The following ITGAV variants were observed in gnomAD, a reference collection of about 807,000 sequenced individuals.
ITGAV encodes integrin subunit alpha V, also known as integrin alpha-V.
Under a neutral mutation model 143.8 loss-of-function variants are expected in ITGAV, and 76 were observed. The ratio of observed to expected loss-of-function variants is 0.53; its 90% CI spans 0.44 to 0.64. The LOEUF is 0.64. Among genes scored for constraint, ITGAV ranks in the 30% least tolerant of loss-of-function variants. The pLI is 0.00. For synonymous variants in ITGAV, 453 were observed against 446.7 expected, an observed-to-expected ratio of 1.01 and a Z score of -0.18; for missense variants, 1,193 against 1,274.7, an observed-to-expected ratio of 0.94 and a Z score of 0.98.
At chr2:186,625,101 G>A (rs997091365) in intron 3 of ITGAV, among the ~76,000 whole-genome samples, 13 of 152,290 alleles carry the variant, frequency 8.5e-5, no homozygotes, top group African/African-American at 3.1e-4. Context: ...TTGGCCAGGT[G>A]TGGTAGGTAT....
At chr2:186,615,797 A>G (rs944936401) in intron 2 of ITGAV, among the ~76,000 whole-genome samples, 1 of 152,140 alleles carries the variant, frequency 6.6e-6, no homozygotes, top group African/African-American at 2.4e-5. Context: ...TTGTAGCACA[A>G]AAGTTTTTAA....
Position 186,641,477 on chromosome 2 carries a change from C to T in ITGAV, c.1048C>T (p.Gln350Ter), listed in dbSNP as rs140715466. The T allele has an allele frequency of 6.2e-7, 1 of 1,614,038 alleles. No homozygotes were observed. Among genetic ancestry groups the T allele is most frequent in the Non-Finnish European group, 8.5e-7 (1 of 1,180,014 alleles). The part of the protein sequence containing the change: ...QEVGQVSVSL[Q>*]RASGDFQTTK... Reference sequence around the variant, plus strand: ...GGTGGGGCAGGTCTCAGTGTCTCTACAGAGAGCTTCAGGAGACTTCCAGAC... The same window carrying T: ...GGTGGGGCAGGTCTCAGTGTCTCTATAGAGAGCTTCAGGAGACTTCCAGAC... Residue 350 changes from glutamine to a stop codon, truncating the protein, a stop_gained, in exon 12 of 30, where the codon CAG (glutamine) becomes TAG (stop). Coordinates refer to ENST00000261023, the MANE Select transcript of ITGAV (RefSeq NM_002210.5). LOFTEE classifies it high-confidence loss of function.
In ITGAV at chr2:186,677,263, G is replaced by A. The variant is rs774606529; in HGVS notation, c.3118G>A (p.Glu1040Lys). The A allele has an allele frequency of 6.2e-7, 1 of 1,613,606 alleles. No individual in the cohort carries two copies. Among genetic ancestry groups the A allele is most frequent in the South Asian group, 1.1e-5 (1 of 91,038 alleles). ...AGAAAGGGAGCAGCTTCAACCTCAT[G>A]AAAATGGTGAAGGAAACTCAGAAAC... Reference protein sequence around the residue: ...EQEREQLQPHENGEGNSET With the variant: ...EQEREQLQPHKNGEGNSET The change falls in exon 30 of 30, where the codon GAA (glutamate) becomes AAA (lysine). Residue 1040 changes from glutamate to lysine, a missense_variant. Physicochemically the swap from Glu to Lys is moderately conservative, Grantham distance 56. Coordinates refer to ENST00000261023, the MANE Select transcript of ITGAV (RefSeq NM_002210.5).
rs199554402 is a variant in ITGAV at position 186,680,036 on chromosome 2, T to C, written c.*2744T>C. The C allele has an allele frequency of 1.8e-3, 267 of 152,218 alleles. 1 individual carries two copies. Among genetic ancestry groups the C allele is most frequent in the African/African-American group, 6.0e-3 (249 of 41,578 alleles). 9.4% of individuals were successfully genotyped at this position (152,218 alleles called of 1,614,324 possible). On this transcript the variant is annotated 3_prime_UTR_variant, in exon 30 of 30. Coordinates refer to ENST00000261023, the MANE Select transcript of ITGAV (RefSeq NM_002210.5). ...AGATTTGTGTGATAAAAGTATTGTA[T>C]ATAATAGATCAGCGATTTTTGTAAG...
chr2:186,618,078 G>T (rs1344220458), intron 2 of ITGAV, among the ~76,000 whole-genome samples: 1 of 152,214 alleles, frequency 6.6e-6, no homozygotes, highest in East Asian at 1.9e-4. Flanking sequence ...TTGTCAGTTT[G>T]TCTGGAGAGC....
chr2:186,666,679 T>C, intron 21 of ITGAV, 25 bp from the exon 22 acceptor site: 1 of 1,391,718 alleles, frequency 7.2e-7, no homozygotes, highest in Non-Finnish European at 9.6e-7. Flanking sequence ...TGACTAGCAT[T>C]ACTATCTTTT....
intron 2 of ITGAV, among the ~76,000 whole-genome samples, chr2:186,613,582 T>C (rs960426891): frequency 6.6e-6 from 1 of 152,220 alleles, no homozygotes; most frequent in African/African-American, 2.4e-5. Flanking sequence ...TTTGTATATA[T>C]AAATGATTTA....
chr2:186,613,148 CTTT>C (rs76180545), intron 2 of ITGAV, among the ~76,000 whole-genome samples: 62 of 120,284 alleles, frequency 5.2e-4, no homozygotes, highest in African/African-American at 1.3e-3. Context: ...ATGGGATTGG[CTTT>C]TTTTTTTTTT....
At chr2:186,610,112 G>A (rs1201042978) in intron 2 of ITGAV, among the ~76,000 whole-genome samples, 1 of 151,406 alleles carries the variant, frequency 6.6e-6, no homozygotes, top group African/African-American at 2.4e-5. Flanking sequence ...TCACTTTTTT[G>A]GTAAAATGAT....
At position 186,596,799 on chromosome 2, in the gene ITGAV, G is replaced by A. The variant is rs189902593; in HGVS notation, c.186-5222G>A. Among the ~76,000 whole-genome samples the A allele has an allele frequency of 1.8e-3, 275 of 152,028 alleles. 1 individual carries two copies. The highest frequency in any genetic ancestry group is 2.0e-3 in the Admixed American group (31 of 15,266). On this transcript the variant is annotated intron_variant, in intron 1 of 29. Coordinates refer to ENST00000261023, the MANE Select transcript of ITGAV (RefSeq NM_002210.5). ...TTCTTTTTCACTACACAGCTTCCTC[G>A]TAAGACTTTAACATATGTCTAAGGT...
At chr2:186,600,015 G>A (rs1686853714) in intron 1 of ITGAV, among the ~76,000 whole-genome samples, 1 of 152,038 alleles carries the variant, frequency 6.6e-6, no homozygotes, top group African/African-American at 2.4e-5. Flanking sequence ...TCCCCATAGG[G>A]CATAACATTT....
chr2:186,638,635 T>C (rs1428783678), intron 10 of ITGAV, among the ~76,000 whole-genome samples, 170 bp downstream of exon 10: 6 of 90,046 alleles, frequency 6.7e-5, no homozygotes, highest in Non-Finnish European at 1.0e-4. Context: ...TTTGAGCGTG[T>C]GTGTGTGTGT....
At chr2:186,624,069 A>C (rs1398898406) in intron 3 of ITGAV, among the ~76,000 whole-genome samples, 1 of 152,144 alleles carries the variant, frequency 6.6e-6, no homozygotes, top group Non-Finnish European at 1.5e-5. Flanking sequence ...GTCACTGGCT[A>C]TGTCTTTGGC....
intron 1 of ITGAV, among the ~76,000 whole-genome samples, chr2:186,595,151 T>C (rs1574456289): frequency 6.6e-6 from 1 of 152,392 alleles, no homozygotes; most frequent in East Asian, 1.9e-4. Context: ...TACACATTTA[T>C]TTCTATATAC....
Position 186,638,254 on chromosome 2 carries a change from ATTTG to A in ITGAV, c.803-7_803-4del, listed in dbSNP as rs749663033. ...CCAGTGTTGTCCTAAAAAATGAATAATTTGTTTGTTTGTTTGTTTCAGACTTTGT... is the reference window on the plus strand; with the variant it reads ...CCAGTGTTGTCCTAAAAAATGAATAATTTGTTTGTTTGTTTCAGACTTTGT... On this transcript the variant is annotated intron_variant, in intron 8 of 29. Coordinates refer to ENST00000261023, the MANE Select transcript of ITGAV (RefSeq NM_002210.5). 5.6e-6 allele frequency: 9 copies of A among 1,610,598 alleles called. No homozygotes were observed. Among genetic ancestry groups the A allele is most frequent in the East Asian group, 4.5e-5 (2 of 44,816 alleles).
rs200673664 is a variant in ITGAV, at chr2:186,652,090, G to A, written c.1505+1G>A. On this transcript the variant is annotated splice_donor_variant, in intron 15 of 29. Transcript: ENST00000261023. LOFTEE classifies it high-confidence loss of function. ...CTGGAACAGCTCTCAAAGTTTCCTG[G>A]TAAGGGTATTTGTTTAATAATAGTT... The A allele has an allele frequency of 1.9e-6, 3 of 1,550,318 alleles. No homozygotes were observed. In the Admixed American group the frequency reaches 5.0e-5, roughly 26 times the overall value.
intron 18 of ITGAV, chr2:186,660,647 G>A (rs900163471): frequency 2.0e-5 from 3 of 152,064 alleles, no homozygotes. Flanking sequence ...TTGCTGGTTA[G>A]CAACATTTTT....
chr2:186,603,549 A>G, intron 2 of ITGAV, among the ~76,000 whole-genome samples: 1 of 152,166 alleles, frequency 6.6e-6, no homozygotes, highest in South Asian at 2.1e-4. Flanking sequence ...AAGAGTTTGT[A>G]AAAAGGCCCA....
chr2:186,659,199 A>C, intron 18 of ITGAV, 24 bp downstream of exon 18: 1 of 1,427,220 alleles, frequency 7.0e-7, no homozygotes, highest in Admixed American at 2.5e-5. Context: ...TTTACCACTA[A>C]TGTGATATTT....
Sources: gnomAD v4.1 joint callset for allele counts (sites outside exome capture counted in the v4.1 genomes callset) on GRCh38, gnomAD v4.1.1 for gene constraint, MANE v1.5 for transcripts, NCBI Gene and HGNC (gene_info 2026-07-23, HGNC 2026-07-21) for gene names.